CEP170: variants seen among roughly 807,000 people sequenced by gnomAD.
CEP170 encodes the protein centrosomal protein of 170 kDa.
CEP170 carries 21 observed loss-of-function variants against 151.9 expected under a neutral mutation model. That is an observed-to-expected ratio of 0.14 (90% CI 0.10 to 0.20). CEP170 has a LOEUF of 0.20. Ranked by LOEUF, CEP170 falls within the 10% of genes least tolerant of loss-of-function variation. The pLI is 1.00. For missense variants in CEP170, 964 were observed against 1,892.9 expected, an observed-to-expected ratio of 0.51 and a Z score of 9.11; for synonymous variants, 356 against 648.8, an observed-to-expected ratio of 0.55 and a Z score of 6.86.
chr1:243,131,868 C>T (rs2054458916), intron 17 of CEP170, among the ~76,000 whole-genome samples: 1 of 152,112 alleles, frequency 6.6e-6, no homozygotes, highest in Non-Finnish European at 1.5e-5. Flanking sequence ...TTTGATAAAG[C>T]CATTGGTTTT....
chr1:243,209,885 G>C (rs1301611660), intron 4 of CEP170, among the ~76,000 whole-genome samples: 1 of 151,980 alleles, frequency 6.6e-6, no homozygotes, highest in East Asian at 1.9e-4. Context: ...AGTAGAGATG[G>C]GGTTTCACTG....
chr1:243,148,528 C>A (rs933454173), intron 14 of CEP170, among the ~76,000 whole-genome samples: 15 of 152,114 alleles, frequency 9.9e-5, no homozygotes, highest in Non-Finnish European at 2.2e-4. Context: ...GAGCTGAGAT[C>A]GCGCCACTAC....
intron 10 of CEP170, 67 bp from the exon 11 acceptor site, chr1:243,172,913 T>G: frequency 1.4e-6 from 2 of 1,381,854 alleles, no homozygotes; most frequent in Non-Finnish European, 1.9e-6. Flanking sequence ...ATGTGAATAG[T>G]ATAATTAACT....
chr1:243,178,320 A>AG (rs1341583884), intron 10 of CEP170, among the ~76,000 whole-genome samples: 6 of 150,324 alleles, frequency 4.0e-5, no homozygotes, highest in African/African-American at 1.2e-4. Context: ...AAAAAAAAAA[A>AG]AAAAAAAAAA....
intron 3 of CEP170, among the ~76,000 whole-genome samples, chr1:243,219,892 A>G (rs549756823): frequency 2.2e-4 from 33 of 152,234 alleles, no homozygotes; most frequent in Non-Finnish European, 4.1e-4. Context: ...TCAGGAGCTC[A>G]TAAGTCAGCA....
chr1:243,220,503 C>CA (rs2062701173), intron 3 of CEP170, among the ~76,000 whole-genome samples: 2 of 151,880 alleles, frequency 1.3e-5, no homozygotes, highest in South Asian at 4.1e-4. Context: ...GTATTTATCT[C>CA]AAAGAATAAA....
intron 4 of CEP170, among the ~76,000 whole-genome samples, chr1:243,209,478 C>T (rs182469994): frequency 6.7e-4 from 102 of 152,192 alleles, no homozygotes; most frequent in East Asian, 3.9e-4. Flanking sequence ...TGAGCCACTG[C>T]GCCCAGCCTG....
At position 243,144,929 on chromosome 1, in the gene CEP170, C is replaced by G. The variant is rs1355448382; in HGVS notation, c.3912-2466G>C. 1.3e-5 allele frequency among the ~76,000 whole-genome samples: 2 copies of G among 152,114 alleles called. 1 individual carries two copies. The highest frequency in any genetic ancestry group is 1.3e-4 in the Admixed American group (2 of 15,274). On this transcript the variant is annotated intron_variant, in intron 14 of 19. Transcript: ENST00000366542. ...GTCAGAACCACTGACTCAATTTCAA[C>G]AATTCTGTAGAAATAAGTATGCATT...
Position 243,131,321 on chromosome 1 carries a change from G to A in CEP170, c.4320-1868C>T, listed in dbSNP as rs181621513. ...AGCCTGGGCAACATGGCGAGACCTC[G>A]TCTCTATAAAAAATACAAAAAAATT... On this transcript the variant is annotated intron_variant, in intron 17 of 19. Coordinates refer to ENST00000366542, the MANE Select transcript of CEP170 (RefSeq NM_014812.3). Among the ~76,000 whole-genome samples the A allele has an allele frequency of 4.3e-3, 648 of 151,940 alleles. 3 individuals carry two copies. Among genetic ancestry groups the A allele is most frequent in the African/African-American group, 0.015 (612 of 41,448 alleles).
chr1:243,229,822 T>C (rs2063572990), intron 1 of CEP170, among the ~76,000 whole-genome samples: 1 of 152,240 alleles, frequency 6.6e-6, no homozygotes, highest in Non-Finnish European at 1.5e-5. Flanking sequence ...TTTGTTTTTC[T>C]TTCTCCTTTT....
intron 14 of CEP170, among the ~76,000 whole-genome samples, chr1:243,145,552 C>T (rs1365920745): frequency 1.3e-5 from 2 of 152,362 alleles, no homozygotes; most frequent in Admixed American, 6.5e-5. Context: ...GGATTACAGG[C>T]GTGAGCCACT....
intron 8 of CEP170, among the ~76,000 whole-genome samples, chr1:243,187,187 TC>T (rs766822434): frequency 1.3e-5 from 2 of 152,144 alleles, no homozygotes; most frequent in Non-Finnish European, 2.9e-5. Flanking sequence ...CCAGCTATTT[TC>T]CCCAGGAAGC....
intron 13 of CEP170, among the ~76,000 whole-genome samples, chr1:243,159,060 C>CA (rs1412083383): frequency 6.6e-6 from 1 of 151,970 alleles, no homozygotes; most frequent in African/African-American, 2.4e-5. Context: ...AGCCAGACTC[C>CA]ATCTCAAAAA....
chr1:243,222,290 A>C (rs2062889796), intron 2 of CEP170, among the ~76,000 whole-genome samples: 1 of 152,252 alleles, frequency 6.6e-6, no homozygotes, highest in South Asian at 2.1e-4. Flanking sequence ...GAACAAAATT[A>C]TCTTCATTTA....
chr1:243,213,088 A>T (rs1379438502), intron 3 of CEP170, among the ~76,000 whole-genome samples: 1 of 152,108 alleles, frequency 6.6e-6, no homozygotes, highest in Non-Finnish European at 1.5e-5. Context: ...CCAATATAAA[A>T]ACTAACAAGG....
At chr1:243,242,769 C>T (rs562893070) in intron 1 of CEP170, among the ~76,000 whole-genome samples, 2 of 152,084 alleles carry the variant, frequency 1.3e-5, no homozygotes, top group Admixed American at 6.5e-5. Context: ...GGCGCAATCT[C>T]GGCTCACTGC....
chr1:243,194,549 T>G (rs1363378204), intron 7 of CEP170, among the ~76,000 whole-genome samples: 1 of 151,924 alleles, frequency 6.6e-6, no homozygotes, highest in Non-Finnish European at 1.5e-5. Context: ...TAAAGTTCAA[T>G]CATCTGGAAA....
At position 243,126,098 on chromosome 1, in the gene CEP170, T is replaced by G; in HGVS notation, c.*351A>C. 1 of 462,434 alleles carries G rather than the reference T, an allele frequency of 2.2e-6. No homozygotes were observed. Among genetic ancestry groups the G allele is most frequent in the Non-Finnish European group, 4.3e-6 (1 of 231,062 alleles). 28.6% of individuals were successfully genotyped at this position (462,434 alleles called of 1,614,324 possible). A position where few individuals can be genotyped will look rare whatever the true frequency, so the allele number is the denominator to read the frequency against. The stretch of plus-strand genomic sequence containing the variant: ...CACAGGAGACTTAGGGGTTCAGAAA[T>G]GTTGGCTATTTAGTTTGCTTGTAGG... On this transcript the variant is annotated 3_prime_UTR_variant, in exon 20 of 20. Coordinates refer to ENST00000366542, the MANE Select transcript of CEP170 (RefSeq NM_014812.3).
At chr1:243,215,573 C>T (rs1421547926) in intron 3 of CEP170, among the ~76,000 whole-genome samples, 2 of 152,156 alleles carry the variant, frequency 1.3e-5, no homozygotes, top group African/African-American at 4.8e-5. Flanking sequence ...GAAATTCCCA[C>T]CTAATAAATT....
Sources: gnomAD v4.1 joint callset for allele counts (sites outside exome capture counted in the v4.1 genomes callset) on GRCh38, gnomAD v4.1.1 for gene constraint, MANE v1.5 for transcripts, NCBI Gene and HGNC (gene_info 2026-07-23, HGNC 2026-07-21) for gene names.